PTPRE: variants seen among roughly 807,000 people sequenced by gnomAD.
PTPRE encodes receptor-type tyrosine-protein phosphatase epsilon.
Under a neutral mutation model 102.0 loss-of-function variants are expected in PTPRE, and 51 were observed. That is an observed-to-expected ratio of 0.50 (90% CI 0.40 to 0.63). PTPRE has a LOEUF of 0.63. PTPRE is among the 30% of genes least tolerant of loss of function. The pLI is 0.00. For synonymous variants in PTPRE, 345 were observed against 348.2 expected (o/e 0.99, Z 0.10); for missense variants, 752 against 915.1 (o/e 0.82, Z 2.30).
In PTPRE at chr10:128,063,177, A is replaced by G; in HGVS notation, c.720A>G (p.Lys240=). 1 of 1,614,178 alleles carries G rather than the reference A, an allele frequency of 6.2e-7. No homozygotes were observed. Among genetic ancestry groups the G allele is most frequent in the Non-Finnish European group, 8.5e-7 (1 of 1,180,034 alleles). ...TGTTAACAAACTTGAAAGAAAGGAAAGAGGTGAGTTCCAGGCATCTGGCCC... is the reference window on the plus strand; with the variant it reads ...TGTTAACAAACTTGAAAGAAAGGAAGGAGGTGAGTTCCAGGCATCTGGCCC... ...IVMLTNLKER[K]EEKCHQYWPD... The change falls in exon 10 of 21, where the codon AAA becomes AAG. Residue 240 remains lysine (K), a synonymous_variant. Transcript: ENST00000254667.
chr10:127,975,216 C>A (rs549564115), intron 1 of PTPRE, among the ~76,000 whole-genome samples: 1 of 152,114 alleles, frequency 6.6e-6, no homozygotes, highest in South Asian at 2.1e-4. Flanking sequence ...TGTGAGTGAG[C>A]GGCCTCTAGA....
In PTPRE at chr10:127,968,697, T is replaced by C. The variant is rs569845260; in HGVS notation, c.-30-13577T>C. Among the ~76,000 whole-genome samples, 411 of 152,384 alleles carry C rather than the reference T, an allele frequency of 2.7e-3. 2 individuals carry two copies. Among genetic ancestry groups the C allele is most frequent in the African/African-American group, 9.2e-3 (383 of 41,596 alleles). On this transcript the variant is annotated intron_variant, in intron 1 of 20. Coordinates refer to ENST00000254667, the MANE Select transcript of PTPRE (RefSeq NM_006504.6). ...CTTGTCAAATAACTGAACTCCTGAC[T>C]TCTTTGAACTCTGGGCTTCTAATCT...
intron 1 of PTPRE, among the ~76,000 whole-genome samples, chr10:127,912,966 TC>T (rs2135137309): frequency 6.6e-6 from 1 of 152,358 alleles, no homozygotes; most frequent in South Asian, 2.1e-4. Context: ...GGCTTTATTT[TC>T]AAGGGAGGTG....
chr10:128,029,732 AT>A (rs2135734890), intron 2 of PTPRE, among the ~76,000 whole-genome samples: 1 of 152,362 alleles, frequency 6.6e-6, no homozygotes, highest in African/African-American at 2.4e-5. Flanking sequence ...AAAAGACGGC[AT>A]GTGTCCAAGT....
chr10:127,981,710 C>G (rs76930018), intron 1 of PTPRE, among the ~76,000 whole-genome samples: 1 of 151,762 alleles, frequency 6.6e-6, no homozygotes. Context: ...CCTGGCTACT[C>G]AGGAGGCTGA....
At chr10:128,069,653 G>A (rs1447635036) in intron 12 of PTPRE, 39 bp from the exon 13 acceptor site, 2 of 1,612,080 alleles carry the variant, frequency 1.2e-6, no homozygotes, top group Non-Finnish European at 1.7e-6. Flanking sequence ...TTCGGGAGGA[G>A]TGTGACTCAC....
chr10:128,076,429 C>A (rs193018624), intron 17 of PTPRE, among the ~76,000 whole-genome samples, 174 bp from the exon 18 acceptor site: 167 of 151,854 alleles, frequency 1.1e-3, no homozygotes, highest in African/African-American at 3.8e-3. Flanking sequence ...AGACTCTGTT[C>A]TGTTCCCTGG....
chr10:127,938,294 G>T (rs1847974372), intron 1 of PTPRE, among the ~76,000 whole-genome samples: 1 of 152,162 alleles, frequency 6.6e-6, no homozygotes, highest in African/African-American at 2.4e-5. Context: ...TCCAATCAGG[G>T]AGCTCTCACT....
chr10:127,966,756 G>A (rs971606305), intron 1 of PTPRE, among the ~76,000 whole-genome samples: 1 of 152,158 alleles, frequency 6.6e-6, no homozygotes, highest in African/African-American at 2.4e-5. Flanking sequence ...GTGCAGCTGA[G>A]GCCTGGACCA....
intron 1 of PTPRE, among the ~76,000 whole-genome samples, chr10:127,951,070 C>A (rs957587529): frequency 6.6e-6 from 1 of 151,770 alleles, no homozygotes; most frequent in Non-Finnish European, 1.5e-5. Context: ...GAGGGAGACT[C>A]CATCTCAAAA....
chr10:128,042,543 C>G (rs1197098412), intron 3 of PTPRE, among the ~76,000 whole-genome samples: 1 of 152,128 alleles, frequency 6.6e-6, no homozygotes, highest in African/African-American at 2.4e-5. Context: ...GCTGCTGGTC[C>G]ACGAGCAAGA....
intron 18 of PTPRE, among the ~76,000 whole-genome samples, chr10:128,077,350 G>A (rs769149078): frequency 4.6e-5 from 7 of 152,222 alleles, no homozygotes; most frequent in Non-Finnish European, 7.3e-5. Context: ...GATCCCGTAG[G>A]GGTTGGGCAG....
chr10:128,023,665 C>T (rs1199532664), intron 2 of PTPRE, among the ~76,000 whole-genome samples: 1 of 152,162 alleles, frequency 6.6e-6, no homozygotes, highest in Admixed American at 6.5e-5. Flanking sequence ...CACAGATAAG[C>T]GGGGAACTGC....
chr10:128,064,560 C>G (rs1024800828), intron 10 of PTPRE, among the ~76,000 whole-genome samples: 1 of 152,200 alleles, frequency 6.6e-6, no homozygotes, highest in Non-Finnish European at 1.5e-5. Context: ...CCCATAGGGA[C>G]CAGTCTTCCT....
intron 1 of PTPRE, among the ~76,000 whole-genome samples, chr10:127,939,311 A>T (rs1848053681): frequency 6.6e-6 from 1 of 152,244 alleles, no homozygotes; most frequent in Admixed American, 6.5e-5. Context: ...CTTTACTTTT[A>T]AAACTTCCCG....
intron 6 of PTPRE, among the ~76,000 whole-genome samples, chr10:128,054,068 C>A (rs1848761392): frequency 6.6e-6 from 1 of 152,090 alleles, no homozygotes; most frequent in Admixed American, 6.6e-5. Context: ...CCTAATTTAT[C>A]TTTTAACAGA....
At chr10:127,942,023 T>A (rs1848282135) in intron 1 of PTPRE, among the ~76,000 whole-genome samples, 2 of 147,502 alleles carry the variant, frequency 1.4e-5, no homozygotes, top group Non-Finnish European at 3.0e-5. Flanking sequence ...CAGAGCTGAA[T>A]GTCTTTTTAT....
intron 1 of PTPRE, among the ~76,000 whole-genome samples, chr10:127,943,136 A>G (rs1183425899): frequency 2.0e-5 from 3 of 152,230 alleles, no homozygotes; most frequent in Admixed American, 2.0e-4. Context: ...TTTAAACTCC[A>G]GAGGTCATGT....
chr10:128,018,191 G>A (rs1364801289), intron 2 of PTPRE, among the ~76,000 whole-genome samples: 1 of 152,032 alleles, frequency 6.6e-6, no homozygotes, highest in Non-Finnish European at 1.5e-5. Context: ...CTTTGGGGCG[G>A]GGGGCATGAG....
Sources: gnomAD v4.1 joint callset for allele counts (sites outside exome capture counted in the v4.1 genomes callset) on GRCh38, gnomAD v4.1.1 for gene constraint, MANE v1.5 for transcripts, NCBI Gene and HGNC (gene_info 2026-07-23, HGNC 2026-07-21) for gene names.